Variants in CAMK2G observed in about 807,000 individuals in gnomAD.
CAMK2G encodes calcium/calmodulin dependent protein kinase II gamma.
A neutral mutation model predicts 88.7 loss-of-function variants in CAMK2G; 23 were observed. That is an observed-to-expected ratio of 0.26 (90% confidence interval 0.19 to 0.37). CAMK2G has a LOEUF of 0.37. Ranked by LOEUF, CAMK2G falls within the 10% of genes least tolerant of loss-of-function variation. The probability of loss-of-function intolerance (pLI) is 1.00; values close to 1 mark genes in which losing one functional copy is unlikely to be tolerated. For missense variants in CAMK2G, 476 were observed against 780.8 expected, an observed-to-expected ratio of 0.61 and a Z score of 4.65; for synonymous variants, 263 against 294.8, an observed-to-expected ratio of 0.89 and a Z score of 1.11.
rs190831933 is a variant in CAMK2G at position 73,812,769 on chromosome 10, T to A, written c.*1749A>T. The A allele has an allele frequency of 3.3e-5, 5 of 152,824 alleles. No individual in the cohort carries two copies. The East Asian group carries it at 9.6e-4, about 29-fold the overall frequency. 9.5% of individuals were successfully genotyped at this position (152,824 alleles called of 1,614,324 possible). A position where few individuals can be genotyped will look rare whatever the true frequency, so the allele number is the denominator to read the frequency against. On this transcript the variant is annotated 3_prime_UTR_variant, in exon 23 of 23. Coordinates refer to ENST00000423381, the MANE Select transcript of CAMK2G (RefSeq NM_001367534.1). ...GAGCAGCCATATGAAGCTATGGGTCTCAATGAATTCTAAGACCATTTGTCT... is the reference window on the plus strand; with the variant it reads ...GAGCAGCCATATGAAGCTATGGGTCACAATGAATTCTAAGACCATTTGTCT...
chr10:73,824,667 C>T (rs1252523384), intron 16 of CAMK2G, among the ~76,000 whole-genome samples: 2 of 152,196 alleles, frequency 1.3e-5, no homozygotes, highest in African/African-American at 4.8e-5. Flanking sequence ...CAGGCAACAT[C>T]ACCTCTCCCT....
rs747267407 is a variant in CAMK2G, at chr10:73,814,992, A to G, written c.*12+11T>C. On this transcript the variant is annotated intron_variant, in intron 22 of 22. Transcript: ENST00000423381. Reference sequence around the variant, plus strand: ...CCCTTCCAGCCCCTCTCCCCCGTCAACCAGGTGCACCTGTGGCTGAGCTCA... The same window carrying G: ...CCCTTCCAGCCCCTCTCCCCCGTCAGCCAGGTGCACCTGTGGCTGAGCTCA... 3.2e-6 allele frequency: 5 copies of G among 1,572,888 alleles called. No individual in the cohort carries two copies. Among genetic ancestry groups the G allele is most frequent in the Admixed American group, 1.7e-5 (1 of 59,714 alleles).
chr10:73,822,539 A>G (rs1715392455), intron 17 of CAMK2G, among the ~76,000 whole-genome samples: 1 of 152,138 alleles, frequency 6.6e-6, no homozygotes, highest in Admixed American at 6.5e-5. Context: ...TACTCCTGCT[A>G]AGAACTCCCA....
intron 2 of CAMK2G, among the ~76,000 whole-genome samples, chr10:73,864,275 T>C (rs2095499819): frequency 6.6e-6 from 1 of 151,960 alleles, no homozygotes; most frequent in Non-Finnish European, 1.5e-5. Context: ...ACACTCCAGC[T>C]TGGGGTGACA....
chr10:73,874,268 C>T, intron 1 of CAMK2G, 129 bp downstream of exon 1: 1 of 345,996 alleles, frequency 2.9e-6, no homozygotes, highest in Non-Finnish European at 4.0e-6. Context: ...AGGCGGCGGG[C>T]GGGAAAGGCG....
chr10:73,831,261 C>T (rs1402781357), intron 14 of CAMK2G, among the ~76,000 whole-genome samples: 14 of 152,036 alleles, frequency 9.2e-5, no homozygotes, highest in Admixed American at 6.6e-4. Context: ...TGCAATTGGC[C>T]GGGCACGGTG....
At chr10:73,857,961 A>G (rs2095163429) in intron 3 of CAMK2G, among the ~76,000 whole-genome samples, 1 of 152,238 alleles carries the variant, frequency 6.6e-6, no homozygotes, top group Non-Finnish European at 1.5e-5. Flanking sequence ...ACCCGAGAAC[A>G]TTCCCAAATA....
chr10:73,833,166 T>C (rs945268288), intron 14 of CAMK2G, among the ~76,000 whole-genome samples: 3 of 151,484 alleles, frequency 2.0e-5, no homozygotes, highest in African/African-American at 7.3e-5. Flanking sequence ...TCTCACTACG[T>C]TTCCCAGGCT....
In CAMK2G at chr10:73,848,063, G is replaced by A. The variant is rs557739966; in HGVS notation, c.621C>T (p.Leu207=). 6.2e-6 allele frequency: 10 copies of A among 1,608,426 alleles called. No individual in the cohort carries two copies. In the South Asian group the frequency reaches 6.6e-5, roughly 11 times the overall value. The part of the protein sequence containing the change: ...IWACGVILYI[L]LVGYPPFWDE... ...CCCAGAAGGGAGGATAGCCCACCAG[G>A]AGGATATACAGGATGACCCCTACGA... The change falls in exon 9 of 23, where the codon CTC becomes CTT. Residue 207 remains leucine (L), a synonymous_variant. Coordinates refer to ENST00000423381, the MANE Select transcript of CAMK2G (RefSeq NM_001367534.1). This position sits in a 1 kb window ranked among gnomAD's most constrained non-coding sequence, Gnocchi z 4.5.
chr10:73,818,776 A>T (rs966265686), intron 19 of CAMK2G: 3 of 456,102 alleles, frequency 6.6e-6, no homozygotes, highest in African/African-American at 6.0e-5. Context: ...ACCCCACCAG[A>T]CCCATCTGGA....
chr10:73,833,909 GTTTTTTTTTTTTTTT>G (rs778838628), intron 14 of CAMK2G, among the ~76,000 whole-genome samples: 52 of 63,420 alleles, frequency 8.2e-4, no homozygotes, highest in Non-Finnish European at 7.5e-4. Flanking sequence ...TATCTACTGG[GTTTTTTTTTTTTTTT>G]TTTTTTTTTT....
At chr10:73,831,310 C>T (rs1161636249) in intron 14 of CAMK2G, among the ~76,000 whole-genome samples, 6 of 151,882 alleles carry the variant, frequency 4.0e-5, no homozygotes, top group Admixed American at 1.3e-4. Context: ...GAGGCTGAGG[C>T]GGGTGGATCA....
chr10:73,819,591 C>A lies in CAMK2G; in HGVS notation c.1304G>T (p.Arg435Leu), dbSNP rs1009278845. 16 of 1,548,362 alleles carry A rather than the reference C, an allele frequency of 1.0e-5. No individual in the cohort carries two copies. The highest frequency in any genetic ancestry group is 1.3e-5 in the Non-Finnish European group (15 of 1,146,938). Reference sequence around the variant, plus strand: ...GCCTGCAGAGGGGGCTGTTCTGTCCCGGGAGCTCCGTCCTTCAGGCACCGA... The same window carrying A: ...GCCTGCAGAGGGGGCTGTTCTGTCCAGGGAGCTCCGTCCTTCAGGCACCGA... ...GSSVPEGRSS[R>L]DRTAPSAGMQ... The change falls in exon 19 of 23, where the codon CGG becomes CTG. Residue 435 changes from arginine (R) to leucine (L), a missense_variant. Physicochemically the swap from Arg to Leu is moderately radical, Grantham distance 102. Transcript: ENST00000423381.
intron 2 of CAMK2G, among the ~76,000 whole-genome samples, chr10:73,870,142 G>T (rs1013970497): frequency 2.0e-5 from 3 of 152,130 alleles, no homozygotes; most frequent in Non-Finnish European, 4.4e-5. Flanking sequence ...GCTCCTTGAG[G>T]GGGGTGCTCT....
intron 2 of CAMK2G, among the ~76,000 whole-genome samples, chr10:73,868,021 G>A (rs1337825371): frequency 6.6e-6 from 1 of 152,186 alleles, no homozygotes; most frequent in East Asian, 1.9e-4. Flanking sequence ...CTGCAGAGAG[G>A]CATTCAAGAG....
Position 73,839,263 on chromosome 10 carries a change from G to A in CAMK2G, c.1009+276C>T, listed in dbSNP as rs1017245446. Among the ~76,000 whole-genome samples the A allele has an allele frequency of 1.3e-5, 2 of 152,234 alleles. No individual in the cohort carries two copies. The highest frequency in any genetic ancestry group is 2.9e-5 in the Non-Finnish European group (2 of 68,028). On this transcript the variant is annotated intron_variant, in intron 13 of 22. Coordinates refer to ENST00000423381, the MANE Select transcript of CAMK2G (RefSeq NM_001367534.1). This position sits in a 1 kb window ranked among gnomAD's most constrained non-coding sequence, Gnocchi z 4.2. Reference sequence around the variant, plus strand: ...CACTGTTGGCTGCAGCCCTCCCAGGGCATCGGGCTCTTGGCAAGGCTCCCG... The same window carrying A: ...CACTGTTGGCTGCAGCCCTCCCAGGACATCGGGCTCTTGGCAAGGCTCCCG...
chr10:73,872,661 C>T (rs1008115915), intron 2 of CAMK2G, among the ~76,000 whole-genome samples: 1 of 152,194 alleles, frequency 6.6e-6, no homozygotes, highest in African/African-American at 2.4e-5. Context: ...AAGGGAGAGG[C>T]TCCAAATGCC....
In CAMK2G at chr10:73,861,614, C is replaced by A. The variant is rs561065031; in HGVS notation, c.161-725G>T. On this transcript the variant is annotated intron_variant, in intron 2 of 22. Coordinates refer to ENST00000423381, the MANE Select transcript of CAMK2G (RefSeq NM_001367534.1). ...CAGGTGATCCACCCGCCTCGGCCTC[C>A]CAAAATGCTGGGATTATAGGCGTGA... Among the ~76,000 whole-genome samples the A allele has an allele frequency of 1.9e-3, 288 of 152,308 alleles. 2 individuals carry two copies. The highest frequency in any genetic ancestry group is 3.1e-3 in the Non-Finnish European group (214 of 68,032).
intron 2 of CAMK2G, among the ~76,000 whole-genome samples, chr10:73,862,417 C>T (rs1416366479): frequency 6.7e-6 from 1 of 150,344 alleles, no homozygotes; most frequent in Non-Finnish European, 1.5e-5. Flanking sequence ...GTAGTGCTTT[C>T]TAGAGTTCTT....
Sources: allele counts gnomAD v4.1 joint callset (sites outside exome capture counted in the v4.1 genomes callset), GRCh38; gene constraint gnomAD v4.1.1; non-coding constraint Gnocchi (gnomAD v3.1); transcripts MANE v1.5; gene names NCBI Gene and HGNC (gene_info 2026-07-23, HGNC 2026-07-21).